QPRT: variants seen among roughly 807,000 people sequenced by gnomAD.
The protein encoded by QPRT is quinolinate phosphoribosyltransferase.
A neutral mutation model predicts 19.8 loss-of-function variants in QPRT; 17 were observed. That is an observed-to-expected ratio of 0.86 (90% CI 0.59 to 1.29). The LOEUF (loss-of-function observed/expected upper bound fraction) is 1.29. Among genes scored for constraint, QPRT ranks in the 50% most tolerant of loss-of-function variants. The probability of loss-of-function intolerance (pLI) is 0.00; values close to 1 mark genes in which losing one functional copy is unlikely to be tolerated. For synonymous variants in QPRT, 178 were observed against 191.0 expected (o/e 0.93, Z 0.56); for missense variants, 336 against 405.1 (o/e 0.83, Z 1.46).
intron 1 of QPRT, among the ~76,000 whole-genome samples, chr16:29,683,316 AC>A (rs1967068355): frequency 6.7e-6 from 1 of 149,342 alleles, no homozygotes; most frequent in African/African-American, 2.5e-5. Context: ...AGGTGTGACC[AC>A]CACGCCCAGC....
At chr16:29,679,959 CTTT>C (rs1267778902) in intron 1 of QPRT, among the ~76,000 whole-genome samples, 6 of 134,430 alleles carry the variant, frequency 4.5e-5, no homozygotes, top group African/African-American at 2.8e-5. Context: ...CTAAGATAAT[CTTT>C]TTTTTTTTTT....
At chr16:29,694,424 G>C (rs919959435) in intron 1 of QPRT, among the ~76,000 whole-genome samples, 1 of 151,982 alleles carries the variant, frequency 6.6e-6, no homozygotes, top group African/African-American at 2.4e-5. Flanking sequence ...CGGCCCAGAA[G>C]TTTAAATTTA....
In QPRT at chr16:29,697,154, G is replaced by T. The variant is rs973381956; in HGVS notation, c.681+27G>T. ...TAAGGTGGGCTCTGCCTCCGGGGAG[G>T]GATCTGTGGTGGGCTCTTACCTCCC... is the stretch of plus-strand genomic sequence containing the variant. On this transcript the variant is annotated intron_variant, in intron 3 of 3. Transcript: ENST00000395384. This position sits in a 1 kb window ranked among gnomAD's most constrained non-coding sequence, Gnocchi z 4.4. The T allele has an allele frequency of 6.3e-7, 1 of 1,597,856 alleles. No homozygotes were observed. The highest frequency in any genetic ancestry group is 1.3e-5 in the African/African-American group (1 of 74,754).
chr16:29,684,215 A>G (rs1967095069), intron 1 of QPRT, among the ~76,000 whole-genome samples: 1 of 151,940 alleles, frequency 6.6e-6, no homozygotes, highest in Non-Finnish European at 1.5e-5. Context: ...CAACTCCTGG[A>G]CTCAAGCCGC....
At chr16:29,691,364 CAAAAAAAAAAAAA>C (rs537664108) in intron 1 of QPRT, among the ~76,000 whole-genome samples, 36 of 51,874 alleles carry the variant, frequency 6.9e-4, no homozygotes, top group Middle Eastern at 0.014. Context: ...AGCTCTGCAT[CAAAAAAAAAAAAA>C]AAAAAAAAAA....
chr16:29,696,822 C>A (rs1426765222), intron 2 of QPRT, 174 bp from the exon 3 acceptor site: 2 of 706,610 alleles, frequency 2.8e-6, no homozygotes, highest in Non-Finnish European at 4.4e-6. Flanking sequence ...GTCTGGTTTC[C>A]TTATTAACCC....
chr16:29,688,542 C>A (rs184674491), intron 1 of QPRT, among the ~76,000 whole-genome samples: 308 of 152,104 alleles, frequency 2.0e-3, no homozygotes, highest in African/African-American at 6.0e-3. Flanking sequence ...TTATTTAAGA[C>A]AGAGTCTCAC....
chr16:29,680,018 C>A (rs1461594447), intron 1 of QPRT, among the ~76,000 whole-genome samples: 1 of 146,082 alleles, frequency 6.8e-6, no homozygotes. Flanking sequence ...AGTGCAGTGG[C>A]GTGATCTCGG....
chr16:29,684,706 C>T (rs1354842596), intron 1 of QPRT, among the ~76,000 whole-genome samples: 1 of 152,212 alleles, frequency 6.6e-6, no homozygotes, highest in East Asian at 1.9e-4. Flanking sequence ...GCACCACCAT[C>T]CACATCTCCT....
Position 29,695,145 on chromosome 16 carries a change from A to G in QPRT, c.495A>G (p.Gly165=). ...CCGCCTCGCACCGCTACGACCTGGG[A>G]GGGCTGGTGATGGTGAAGGATAACC... The part of the protein sequence containing the change: ...GGAASHRYDL[G]GLVMVKDNHV... Residue 165 remains glycine (G), a synonymous_variant, in exon 2 of 4, where the codon GGA becomes GGG. Transcript: ENST00000395384. The G allele has an allele frequency of 6.3e-7, 1 of 1,578,794 alleles. No individual in the cohort carries two copies. Among genetic ancestry groups the G allele is most frequent in the Non-Finnish European group, 8.6e-7 (1 of 1,163,034 alleles).
Position 29,697,696 on chromosome 16 carries a change from C to G in QPRT, c.*285C>G. 1 of 388,620 alleles carries G rather than the reference C, an allele frequency of 2.6e-6. No individual in the cohort carries two copies. The allele number at this position is 388,620 out of a possible 1,614,324, so 24.1% of individuals were successfully genotyped here. ...AGGGGTCAGCAAATGTCAGAAGTTA[C>G]CTGGGACAGCCGGGCACGATGGCTC... On this transcript the variant is annotated 3_prime_UTR_variant, in exon 4 of 4. Coordinates refer to ENST00000395384, the MANE Select transcript of QPRT (RefSeq NM_014298.6). This position sits in a 1 kb window ranked among gnomAD's most constrained non-coding sequence, Gnocchi z 4.4.
At chr16:29,681,493 C>CTTTTTT (rs10680462) in intron 1 of QPRT, among the ~76,000 whole-genome samples, 2,723 of 97,090 alleles carry the variant, frequency 0.028, 269 homozygotes, top group African/African-American at 0.081. Context: ...GATCCAGATT[C>CTTTTTT]TTTTTTTTTT....
At chr16:29,695,299 A>G in intron 2 of QPRT, 100 bp downstream of exon 2, 1 of 1,338,304 alleles carries the variant, frequency 7.5e-7, no homozygotes, top group Non-Finnish European at 9.8e-7. Context: ...GTGAACAGCC[A>G]TGGCCTGGAG....
rs747676899 is a variant in QPRT, at chr16:29,697,147, C to T, written c.681+20C>T. ...CCAGAGGTAAGGTGGGCTCTGCCTC[C>T]GGGGAGGGATCTGTGGTGGGCTCTT... is the stretch of plus-strand genomic sequence containing the variant. On this transcript the variant is annotated intron_variant, in intron 3 of 3. Coordinates refer to ENST00000395384, the MANE Select transcript of QPRT (RefSeq NM_014298.6). This position sits in a 1 kb window ranked among gnomAD's most constrained non-coding sequence, Gnocchi z 4.4. The T allele has an allele frequency of 8.8e-6, 14 of 1,598,508 alleles. No homozygotes were observed. In the East Asian group the frequency reaches 9.0e-5, roughly 10 times the overall value.
Position 29,695,134 on chromosome 16 carries a change from T to C in QPRT, c.484T>C (p.Tyr162His), listed in dbSNP as rs906434765. 6.3e-7 allele frequency: 1 copy of C among 1,585,654 alleles called. No individual in the cohort carries two copies. Among genetic ancestry groups the C allele is most frequent in the Non-Finnish European group, 8.6e-7 (1 of 1,166,990 alleles). ...LLVGGAASHRYDLGGLVMVKD... is the reference protein window; with the variant it reads ...LLVGGAASHRHDLGGLVMVKD... ...GGTGGGCGGGGCCGCCTCGCACCGC[T>C]ACGACCTGGGAGGGCTGGTGATGGT... Residue 162 changes from tyrosine (Y) to histidine (H), a missense_variant, in exon 2 of 4, where the codon TAC (tyrosine) becomes CAC (histidine). Tyr to His is a moderately conservative substitution (Grantham distance 83). Coordinates refer to ENST00000395384, the MANE Select transcript of QPRT (RefSeq NM_014298.6).
rs1337223788 is a variant in QPRT, at chr16:29,698,388, A to G, written c.*977A>G. ...GATAAATAGCCAGAAGACCTTGGCGACACCACCCGGCCCTGGTAGTTAAAA... is the reference window on the plus strand; with the variant it reads ...GATAAATAGCCAGAAGACCTTGGCGGCACCACCCGGCCCTGGTAGTTAAAA... On this transcript the variant is annotated 3_prime_UTR_variant, in exon 4 of 4. Coordinates refer to ENST00000395384, the MANE Select transcript of QPRT (RefSeq NM_014298.6). 1.3e-5 allele frequency: 2 copies of G among 152,168 alleles called. No individual in the cohort carries two copies. The highest frequency in any genetic ancestry group is 6.6e-5 in the Admixed American group (1 of 15,256). The allele number at this position is 152,168 out of a possible 1,614,324, so 9.4% of individuals were successfully genotyped here.
chr16:29,694,791 G>A lies in QPRT; in HGVS notation c.141G>A (p.Trp47Ter), dbSNP rs1463895057. Residue 47 changes from tryptophan (W) to a stop codon, truncating the protein, a stop_gained, in exon 2 of 4, where the codon TGG becomes TGA. Coordinates refer to ENST00000395384, the MANE Select transcript of QPRT (RefSeq NM_014298.6). LOFTEE classifies it high-confidence loss of function. ...CAGGCCCCTCGCAGGCGGCGCTGTG[G>A]GCCAAATCCCCTGGGGTACTGGCAG... ...SGAGPSQAALWAKSPGVLAGQ... is the reference protein window; with the variant it reads ...SGAGPSQAAL The A allele has an allele frequency of 1.2e-6, 2 of 1,613,858 alleles. No individual in the cohort carries two copies. The highest frequency in any genetic ancestry group is 1.1e-5 in the South Asian group (1 of 91,086).
At chr16:29,684,757 T>A (rs1967112913) in intron 1 of QPRT, among the ~76,000 whole-genome samples, 1 of 152,212 alleles carries the variant, frequency 6.6e-6, no homozygotes, top group Admixed American at 6.5e-5. Context: ...CCAAATCCGT[T>A]CTTTCTCTCG....
chr16:29,695,239 G>GCA, intron 2 of QPRT, 40 bp downstream of exon 2: 1 of 1,490,716 alleles, frequency 6.7e-7, no homozygotes, highest in Non-Finnish European at 8.9e-7. Context: ...CCCACCCTCA[G>GCA]CACACCCCTC....
Sources: gnomAD v4.1 joint callset for allele counts (sites outside exome capture counted in the v4.1 genomes callset) on GRCh38, gnomAD v4.1.1 for gene constraint, Gnocchi (gnomAD v3.1) non-coding constraint, MANE v1.5 for transcripts, NCBI Gene and HGNC (gene_info 2026-07-23, HGNC 2026-07-21) for gene names.